The following KIAA1328 variants were observed in gnomAD, a reference collection of about 807,000 sequenced individuals.
KIAA1328 encodes the protein protein hinderin.
Under a neutral mutation model 68.1 loss-of-function variants are expected in KIAA1328, and 52 were observed. That is an observed-to-expected ratio of 0.76 (90% confidence interval 0.61 to 0.96). The LOEUF is 0.96. Among genes scored for constraint, KIAA1328 ranks in the 40% least tolerant of loss-of-function variants. KIAA1328 has a pLI of 0.00. For synonymous variants in KIAA1328, 232 were observed against 239.4 expected (o/e 0.97, Z 0.28); for missense variants, 641 against 677.6 (o/e 0.95, Z 0.60).
chr18:37,032,459 A>AC (rs2054867974), intron 6 of KIAA1328, among the ~76,000 whole-genome samples: 1 of 151,802 alleles, frequency 6.6e-6, no homozygotes, highest in Admixed American at 6.6e-5. Context: ...TTTTATTTAT[A>AC]CCTGGAGATA....
At chr18:36,927,614 A>G (rs1237170658) in intron 5 of KIAA1328, among the ~76,000 whole-genome samples, 5 of 152,034 alleles carry the variant, frequency 3.3e-5, no homozygotes, top group Admixed American at 2.0e-4. Context: ...TTAACTGGGC[A>G]TGGTGGTGTG....
At chr18:36,844,935 C>A (rs1396204312) in intron 4 of KIAA1328, among the ~76,000 whole-genome samples, 4 of 151,562 alleles carry the variant, frequency 2.6e-5, no homozygotes, top group African/African-American at 9.7e-5. Flanking sequence ...ACGGAGAGAC[C>A]ATACCTAAAA....
intron 7 of KIAA1328, among the ~76,000 whole-genome samples, chr18:37,125,433 AT>A (rs1369999320): frequency 6.6e-6 from 1 of 152,170 alleles, no homozygotes; most frequent in Admixed American, 6.5e-5. Flanking sequence ...GTGATCTGAA[AT>A]TCTACCTTAA....
intron 4 of KIAA1328, among the ~76,000 whole-genome samples, chr18:36,853,817 A>G (rs2047295686): frequency 6.6e-6 from 1 of 151,912 alleles, no homozygotes; most frequent in Admixed American, 6.6e-5. Context: ...CACCAAGCCC[A>G]GCTAATTTTT....
At chr18:36,885,440 T>C in intron 4 of KIAA1328, 117 bp from the exon 5 acceptor site, 1 of 544,146 alleles carries the variant, frequency 1.8e-6, no homozygotes, top group Non-Finnish European at 3.2e-6. Flanking sequence ...CAGAACAGAG[T>C]GTTCCTGAAG....
intron 5 of KIAA1328, among the ~76,000 whole-genome samples, chr18:36,899,245 A>T (rs562528933): frequency 2.6e-5 from 4 of 151,908 alleles, no homozygotes; most frequent in Non-Finnish European, 5.9e-5. Flanking sequence ...TATTTATAGC[A>T]CTTGACTTTT....
intron 4 of KIAA1328, among the ~76,000 whole-genome samples, chr18:36,864,364 C>G (rs1304846978): frequency 2.0e-5 from 3 of 150,132 alleles, no homozygotes; most frequent in Non-Finnish European, 4.4e-5. Context: ...TGCAGTGGCA[C>G]AATCTCGGCT....
At position 36,959,389 on chromosome 18, in the gene KIAA1328, C is replaced by T. The variant is rs562836633; in HGVS notation, c.530C>T (p.Thr177Ile). Residue 177 changes from threonine (T) to isoleucine (I), a missense_variant, in exon 6 of 10, where the codon ACC becomes ATC. Transcript: ENST00000280020. The part of the protein sequence containing the change: ...KYLSEQQEKL[T>I]MSLSELGAAR... ...TTATCAGAACAACAGGAGAAGCTCA[C>T]CATGTCTCTCTCAGAACTTGGTGCT... 3 of 1,609,382 alleles carry T rather than the reference C, an allele frequency of 1.9e-6. No individual in the cohort carries two copies. Among genetic ancestry groups the T allele is most frequent in the Non-Finnish European group, 2.5e-6 (3 of 1,178,098 alleles).
At chr18:36,832,748 C>A (rs1256772263) in intron 1 of KIAA1328, 1 of 150,930 alleles carries the variant, frequency 6.6e-6, no homozygotes, top group African/African-American at 2.4e-5. Flanking sequence ...CAACACTGAA[C>A]AAAATAAAAC....
At chr18:36,875,498 A>G (rs2048090100) in intron 4 of KIAA1328, among the ~76,000 whole-genome samples, 1 of 152,046 alleles carries the variant, frequency 6.6e-6, no homozygotes, top group Non-Finnish European at 1.5e-5. Context: ...AATGCTTGTG[A>G]TTTTTGCACA....
downstream of KIAA1328, among the ~76,000 whole-genome samples, chr18:37,226,801 C>G (rs2060642111): frequency 8.3e-6 from 1 of 120,158 alleles, no homozygotes; most frequent in Non-Finnish European, 1.6e-5. Context: ...GAGTTTCGTT[C>G]TTGTTGCCTA....
At chr18:36,961,522 G>T (rs1056939398) in intron 6 of KIAA1328, among the ~76,000 whole-genome samples, 1 of 152,046 alleles carries the variant, frequency 6.6e-6, no homozygotes, top group Non-Finnish European at 1.5e-5. Flanking sequence ...TGTCAGATTC[G>T]CCAAGGATGA....
intron 6 of KIAA1328, among the ~76,000 whole-genome samples, chr18:37,008,352 A>G (rs1345989221): frequency 6.6e-6 from 1 of 152,248 alleles, no homozygotes; most frequent in Admixed American, 6.5e-5. Flanking sequence ...ACCACTGCTC[A>G]GAGGTGAGAA....
At chr18:36,975,385 T>C (rs1318285646) in intron 6 of KIAA1328, among the ~76,000 whole-genome samples, 1 of 151,954 alleles carries the variant, frequency 6.6e-6, no homozygotes, top group African/African-American at 2.4e-5. Context: ...GGTTTCACCG[T>C]TTTAGCTGGG....
chr18:37,186,094 C>CTTTTTTTT (rs748423012), intron 9 of KIAA1328, among the ~76,000 whole-genome samples: 8 of 90,428 alleles, frequency 8.8e-5, no homozygotes, highest in East Asian at 6.3e-4. Flanking sequence ...TCAAGGATGT[C>CTTTTTTTT]TTTTTTTTTT....
At chr18:37,039,623 G>A (rs1055113662) in intron 6 of KIAA1328, among the ~76,000 whole-genome samples, 1 of 152,114 alleles carries the variant, frequency 6.6e-6, no homozygotes, top group African/African-American at 2.4e-5. Flanking sequence ...ATGTTGGCCA[G>A]GATGGTCTCA....
At chr18:36,873,456 C>T (rs966547246) in intron 4 of KIAA1328, among the ~76,000 whole-genome samples, 1 of 152,066 alleles carries the variant, frequency 6.6e-6, no homozygotes, top group African/African-American at 2.4e-5. Context: ...GTAAACAAGA[C>T]AGTAGTCCCT....
At chr18:37,041,776 G>A (rs992055147) in intron 6 of KIAA1328, among the ~76,000 whole-genome samples, 14 of 152,044 alleles carry the variant, frequency 9.2e-5, no homozygotes, top group Admixed American at 1.3e-4. Context: ...ACCTATTACA[G>A]TCTTCTTAAG....
chr18:37,068,253 C>T (rs534480526), intron 7 of KIAA1328, among the ~76,000 whole-genome samples: 75 of 152,134 alleles, frequency 4.9e-4, no homozygotes, highest in Middle Eastern at 3.4e-3. Flanking sequence ...GTCATCATTC[C>T]GAATTTATGT....
Sources: gnomAD v4.1 joint callset for allele counts (sites outside exome capture counted in the v4.1 genomes callset) on GRCh38, gnomAD v4.1.1 for gene constraint, MANE v1.5 for transcripts, NCBI Gene and HGNC (gene_info 2026-07-23, HGNC 2026-07-21) for gene names.